GALNT2: variants seen among roughly 807,000 people sequenced by gnomAD.
GALNT2 encodes polypeptide N-acetylgalactosaminyltransferase 2.
Under a neutral mutation model 81.4 loss-of-function variants are expected in GALNT2, and 31 were observed. The ratio of observed to expected loss-of-function variants is 0.38; its 90% CI spans 0.29 to 0.51. The LOEUF (loss-of-function observed/expected upper bound fraction) is 0.51, where lower values mean the gene tolerates loss of function less well. Ranked by LOEUF, GALNT2 falls within the 20% of genes least tolerant of loss-of-function variation. The pLI is 0.87. For missense variants in GALNT2, 629 were observed against 765.7 expected, an observed-to-expected ratio of 0.82 and a Z score of 2.11; for synonymous variants, 303 against 287.4, an observed-to-expected ratio of 1.05 and a Z score of -0.55.
chr1:230,144,441 G>A (rs768296651), intron 1 of GALNT2, among the ~76,000 whole-genome samples: 6 of 152,176 alleles, frequency 3.9e-5, no homozygotes, highest in South Asian at 2.1e-4. Context: ...CAGAGTAGCC[G>A]GTGCCTGCAT....
chr1:230,180,520 T>C (rs1663128304), intron 2 of GALNT2, among the ~76,000 whole-genome samples: 1 of 152,166 alleles, frequency 6.6e-6, no homozygotes, highest in African/African-American at 2.4e-5. Flanking sequence ...CATGACTTCA[T>C]GTAAAGTCTT....
intron 1 of GALNT2, among the ~76,000 whole-genome samples, chr1:230,140,073 A>G (rs561132853): frequency 1.3e-5 from 2 of 152,324 alleles, no homozygotes; most frequent in East Asian, 3.9e-4. Flanking sequence ...CGTCAGCTGT[A>G]CTGGAACTGT....
rs374513205 is a variant in GALNT2, at chr1:230,275,276, C to T, written c.1560+712C>T. 3.3e-5 allele frequency among the ~76,000 whole-genome samples: 5 copies of T among 151,008 alleles called. No individual in the cohort carries two copies. Among genetic ancestry groups the T allele is most frequent in the East Asian group, 1.9e-4 (1 of 5,148 alleles). On this transcript the variant is annotated intron_variant, in intron 15 of 15. Coordinates refer to ENST00000366672, the MANE Select transcript of GALNT2 (RefSeq NM_004481.5). The surrounding 1 kb of genome is among the most constrained non-coding windows in gnomAD (Gnocchi z 5.5). ...TACATATATACACACCACATGTATA[C>T]GTATATATAGATGCCACATTTATAC...
At chr1:230,219,693 G>A (rs1033800729) in intron 3 of GALNT2, among the ~76,000 whole-genome samples, 1 of 152,158 alleles carries the variant, frequency 6.6e-6, no homozygotes, top group Non-Finnish European at 1.5e-5. Context: ...GACTTCTGAC[G>A]TGGATGCATT....
chr1:230,067,902 C>G (rs190192715), intron 1 of GALNT2, among the ~76,000 whole-genome samples: 296 of 152,308 alleles, frequency 1.9e-3, no homozygotes, highest in Middle Eastern at 3.4e-3. Flanking sequence ...GCGTGGGTTC[C>G]GTGTTTCTGC....
rs1259765743 is a variant in GALNT2 at position 230,117,547 on chromosome 1, G to A, written c.126+50141G>A. ...TACCAATTGGCCTAATTTCAGTATC[G>A]TGGTATCGCAGGGAATAGGGAGGCT... On this transcript the variant is annotated intron_variant, in intron 1 of 15. Coordinates refer to ENST00000366672, the MANE Select transcript of GALNT2 (RefSeq NM_004481.5). 3.9e-5 allele frequency among the ~76,000 whole-genome samples: 6 copies of A among 152,168 alleles called. No homozygotes were observed. In the East Asian group the frequency reaches 5.8e-4, roughly 15 times the overall value.
intron 3 of GALNT2, among the ~76,000 whole-genome samples, chr1:230,233,046 T>C (rs1443743852): frequency 6.6e-6 from 1 of 152,234 alleles, no homozygotes; most frequent in Non-Finnish European, 1.5e-5. Flanking sequence ...CAAAATTCAC[T>C]TCTCTGAAGT....
intron 8 of GALNT2, among the ~76,000 whole-genome samples, chr1:230,248,748 G>A (rs914234992): frequency 2.6e-5 from 4 of 152,100 alleles, no homozygotes; most frequent in Non-Finnish European, 5.9e-5. Context: ...ACAAAGCCTC[G>A]TTCCCTCCCC....
intron 1 of GALNT2, among the ~76,000 whole-genome samples, chr1:230,076,119 G>A (rs1659547057): frequency 6.6e-6 from 1 of 152,204 alleles, no homozygotes; most frequent in African/African-American, 2.4e-5. Flanking sequence ...AAAAGGTTGT[G>A]TGTACTCTCA....
rs1659333468 is a variant in GALNT2 at position 230,070,289 on chromosome 1, G to A, written c.126+2883G>A. Among the ~76,000 whole-genome samples the A allele has an allele frequency of 6.6e-6, 1 of 152,086 alleles. No individual in the cohort carries two copies. The highest frequency in any genetic ancestry group is 6.5e-5 in the Admixed American group (1 of 15,278). On this transcript the variant is annotated intron_variant, in intron 1 of 15. Transcript: ENST00000366672. This position sits in a 1 kb window ranked among gnomAD's most constrained non-coding sequence, Gnocchi z 4.7. The stretch of plus-strand genomic sequence containing the variant: ...CTCTTTCCCCCTAAATTGATGATTT[G>A]CACTTCAAGCGTGCCTTTCCTTTGA...
At position 230,165,407 on chromosome 1, in the gene GALNT2, T is replaced by A. The variant is rs972019628; in HGVS notation, c.127-12811T>A. Among the ~76,000 whole-genome samples, 23 of 152,236 alleles carry A rather than the reference T, an allele frequency of 1.5e-4. 1 individual carries two copies. The highest frequency in any genetic ancestry group is 2.6e-4 in the Non-Finnish European group (18 of 68,048). On this transcript the variant is annotated intron_variant, in intron 1 of 15. Coordinates refer to ENST00000366672, the MANE Select transcript of GALNT2 (RefSeq NM_004481.5). ...GTGAATGTTCTAAGTTTCTTCTGTT[T>A]TTTCTCTTATAAATAATGCTGCAGT...
chr1:230,094,667 C>G (rs1042443329), intron 1 of GALNT2, among the ~76,000 whole-genome samples: 4 of 152,124 alleles, frequency 2.6e-5, no homozygotes, highest in African/African-American at 9.7e-5. Context: ...CATATGCTTT[C>G]CCAACACATC....
chr1:230,255,082 T>C, intron 10 of GALNT2, 136 bp from the exon 11 acceptor site: 1 of 1,238,424 alleles, frequency 8.1e-7, no homozygotes, highest in Non-Finnish European at 1.2e-6. Context: ...CCTTATCAGA[T>C]CTCCTTCAGC....
chr1:230,248,855 C>G (rs544667924), intron 8 of GALNT2, among the ~76,000 whole-genome samples: 1 of 152,144 alleles, frequency 6.6e-6, no homozygotes, highest in South Asian at 2.1e-4. Context: ...CTTGGACATG[C>G]CCTGGTTATC....
intron 1 of GALNT2, among the ~76,000 whole-genome samples, chr1:230,143,389 G>T (rs771340684): frequency 6.6e-6 from 1 of 152,220 alleles, no homozygotes; most frequent in East Asian, 1.9e-4. Context: ...GGAGACATTC[G>T]AGAGCAGAAG....
intron 11 of GALNT2, among the ~76,000 whole-genome samples, chr1:230,256,113 G>A (rs528067413): frequency 6.6e-6 from 1 of 152,232 alleles, no homozygotes; most frequent in East Asian, 1.9e-4. Context: ...GAGCCCTCAT[G>A]GCATAGTCAC....
chr1:230,248,919 A>G (rs1665457297), intron 8 of GALNT2, among the ~76,000 whole-genome samples: 1 of 152,112 alleles, frequency 6.6e-6, no homozygotes, highest in Non-Finnish European at 1.5e-5. Flanking sequence ...ATGCATTTCA[A>G]TATTAGAAAA....
intron 1 of GALNT2, among the ~76,000 whole-genome samples, chr1:230,099,118 TACACCAGTC>T (rs1021361766): frequency 6.6e-6 from 1 of 152,236 alleles, no homozygotes; most frequent in African/African-American, 2.4e-5. Context: ...TCTCCTCTGT[TACACCAGTC>T]ATTGCTACGT....
At chr1:230,152,381 T>C (rs1398885555) in intron 1 of GALNT2, among the ~76,000 whole-genome samples, 1 of 152,196 alleles carries the variant, frequency 6.6e-6, no homozygotes, top group Non-Finnish European at 1.5e-5. Context: ...GCAAGGTTTT[T>C]CAAATTGTAA....
Sources: gnomAD v4.1 joint callset for allele counts (sites outside exome capture counted in the v4.1 genomes callset) on GRCh38, gnomAD v4.1.1 for gene constraint, Gnocchi (gnomAD v3.1) non-coding constraint, MANE v1.5 for transcripts, NCBI Gene and HGNC (gene_info 2026-07-23, HGNC 2026-07-21) for gene names.